OCA2: variants seen among roughly 807,000 people sequenced by gnomAD.
OCA2 encodes the protein P protein.
OCA2 carries 77 observed loss-of-function variants against 100.2 expected under a neutral mutation model. That is an observed-to-expected ratio of 0.77 (90% CI 0.64 to 0.93). OCA2 has a LOEUF of 0.93. OCA2 is among the 40% of genes least tolerant of loss of function. The pLI is 0.00. For synonymous variants in OCA2, 432 were observed against 439.2 expected, an observed-to-expected ratio of 0.98 and a Z score of 0.21; for missense variants, 1,062 against 1,089.1, an observed-to-expected ratio of 0.98 and a Z score of 0.35.
chr15:27,916,684 A>G (rs2038677554), intron 19 of OCA2, among the ~76,000 whole-genome samples: 1 of 152,206 alleles, frequency 6.6e-6, no homozygotes, highest in Admixed American at 6.5e-5. Flanking sequence ...CATTGTACCA[A>G]CTACTCTATG....
chr15:28,055,776 G>A (rs1426672618), intron 2 of OCA2, among the ~76,000 whole-genome samples: 2 of 152,246 alleles, frequency 1.3e-5, no homozygotes, highest in Non-Finnish European at 2.9e-5. Context: ...ACATCTCCCC[G>A]GCCTATGTCC....
intron 2 of OCA2, among the ~76,000 whole-genome samples, chr15:28,076,485 T>G (rs1190192775): frequency 2.0e-5 from 3 of 152,174 alleles, no homozygotes; most frequent in African/African-American, 7.2e-5. Flanking sequence ...TGAAAACAAT[T>G]AGAAAAAATT....
intron 2 of OCA2, among the ~76,000 whole-genome samples, chr15:28,045,913 A>G (rs60125719): frequency 0.31 from 47,005 of 151,754 alleles, 10,472 homozygotes; most frequent in East Asian, 0.88. Flanking sequence ...TATTCATACC[A>G]AAACCCTCAG....
intron 18 of OCA2, among the ~76,000 whole-genome samples, chr15:27,948,073 A>T (rs779289183): frequency 3.3e-5 from 5 of 152,226 alleles, no homozygotes; most frequent in Non-Finnish European, 5.9e-5. Context: ...AGCAGCAGGC[A>T]CCAGGGAGGG....
At chr15:27,846,961 A>G (rs930510483) in intron 22 of OCA2, among the ~76,000 whole-genome samples, 16 of 152,252 alleles carry the variant, frequency 1.1e-4, no homozygotes, top group Admixed American at 3.3e-4. Flanking sequence ...CAGCCTTCAG[A>G]CATCAGACAT....
chr15:27,756,216 GT>G (rs2030355592), intron 23 of OCA2, among the ~76,000 whole-genome samples: 1 of 152,194 alleles, frequency 6.6e-6, no homozygotes, highest in Admixed American at 6.5e-5. Flanking sequence ...CCCTGCAAAT[GT>G]TACAATTTTG....
chr15:27,719,256 G>A, the OCA2 span, among the ~76,000 whole-genome samples: 1 of 152,108 alleles, frequency 6.6e-6, no homozygotes, highest in Admixed American at 6.5e-5. Flanking sequence ...TCCTTGCCTT[G>A]CAGTCCTTCT....
chr15:28,069,685 G>A (rs1349634486), intron 2 of OCA2, among the ~76,000 whole-genome samples: 1 of 146,282 alleles, frequency 6.8e-6, no homozygotes, highest in Non-Finnish European at 1.5e-5. Context: ...ATTGCAGACG[G>A]AGTCTCGTTC....
chr15:27,985,140 A>G lies in OCA2; in HGVS notation c.1288T>C (p.Cys430Arg), dbSNP rs778818617. Residue 430 changes from cysteine (C) to arginine (R), a missense_variant, in exon 13 of 24, where the codon TGT becomes CGT. Transcript: ENST00000354638. ...GCAGAGAGGACGGCCGCGATGAGAC[A>G]GAGCATGATGATCATGGCCCACACC... is the stretch of plus-strand genomic sequence containing the variant. ...GRVWAMIIML[C>R]LIAAVLSAFL... 1 of 1,614,064 alleles carries G rather than the reference A, an allele frequency of 6.2e-7. No individual in the cohort carries two copies. Among genetic ancestry groups the G allele is most frequent in the South Asian group, 1.1e-5 (1 of 91,076 alleles).
chr15:28,053,141 T>C (rs974083868), intron 2 of OCA2, among the ~76,000 whole-genome samples: 2 of 152,220 alleles, frequency 1.3e-5, no homozygotes, highest in Non-Finnish European at 2.9e-5. Flanking sequence ...GTAACTATAC[T>C]GATATCAGAA....
At chr15:28,032,667 G>C (rs1041781407) in intron 2 of OCA2, among the ~76,000 whole-genome samples, 2 of 151,630 alleles carry the variant, frequency 1.3e-5, no homozygotes, top group African/African-American at 4.8e-5. Context: ...AGTGGTGGGT[G>C]CCTGTAATCC....
At chr15:27,806,252 A>T (rs776803215) in intron 23 of OCA2, among the ~76,000 whole-genome samples, 2 of 152,218 alleles carry the variant, frequency 1.3e-5, no homozygotes, top group Admixed American at 6.5e-5. Flanking sequence ...TACACTAAAA[A>T]GAAGCAGAAC....
intron 7 of OCA2, 93 bp downstream of exon 7, chr15:28,018,304 G>A: frequency 8.2e-7 from 1 of 1,225,876 alleles, no homozygotes; most frequent in Non-Finnish European, 1.2e-6. Flanking sequence ...CCTCGCCTGT[G>A]GCTCCCCATC....
intron 3 of OCA2, among the ~76,000 whole-genome samples, chr15:28,028,981 G>C (rs1470671190): frequency 6.6e-5 from 10 of 152,136 alleles, no homozygotes; most frequent in Admixed American, 6.5e-4. Context: ...CCACTGTACA[G>C]AGCCTCCATT....
intron 9 of OCA2, among the ~76,000 whole-genome samples, chr15:28,014,166 T>C (rs1029716853): frequency 6.6e-6 from 1 of 152,190 alleles, no homozygotes; most frequent in African/African-American, 2.4e-5. Flanking sequence ...GATTTCATAG[T>C]TAAAGCAACA....
chr15:28,069,406 T>C (rs1305009598), intron 2 of OCA2, among the ~76,000 whole-genome samples: 469 of 3,758 alleles, frequency 0.12, 86 homozygotes, highest in African/African-American at 0.39. Context: ...CCCCCTCCCC[T>C]TCCCCCTCCC....
intron 23 of OCA2, among the ~76,000 whole-genome samples, chr15:27,812,444 G>A (rs888551727): frequency 1.3e-5 from 2 of 152,070 alleles, no homozygotes; most frequent in African/African-American, 4.8e-5. Flanking sequence ...TGACAGGGGT[G>A]GCAGTTTCTC....
intron 23 of OCA2, among the ~76,000 whole-genome samples, chr15:27,827,066 C>T (rs1009226815): frequency 2.6e-5 from 4 of 152,352 alleles, no homozygotes; most frequent in African/African-American, 9.6e-5. Context: ...CAGCGTGAGA[C>T]AGTAAGCAGC....
intron 19 of OCA2, among the ~76,000 whole-genome samples, chr15:27,872,978 A>C (rs113139304): frequency 0.016 from 2,389 of 152,254 alleles, 56 homozygotes; most frequent in African/African-American, 0.05. Context: ...GCGTGAGCCA[A>C]CGTGCCGGCC....
Sources: gnomAD v4.1 joint callset for allele counts (sites outside exome capture counted in the v4.1 genomes callset) on GRCh38, gnomAD v4.1.1 for gene constraint, MANE v1.5 for transcripts, NCBI Gene and HGNC (gene_info 2026-07-23, HGNC 2026-07-21) for gene names.